GUCD1: variants seen among roughly 807,000 people sequenced by gnomAD.
GUCD1 encodes the protein protein GUCD1.
A neutral mutation model predicts 28.3 loss-of-function variants in GUCD1; 17 were observed. The observed-to-expected ratio is 0.60, with a 90% CI of 0.41 to 0.90. GUCD1 has a LOEUF of 0.90. Among genes scored for constraint, GUCD1 ranks in the 40% least tolerant of loss-of-function variants. GUCD1 has a pLI of 0.00. For synonymous variants in GUCD1, 129 were observed against 123.3 expected, an observed-to-expected ratio of 1.05 and a Z score of -0.30; for missense variants, 279 against 305.5, an observed-to-expected ratio of 0.91 and a Z score of 0.65.
At chr22:24,552,312 G>T (rs1034752679) in intron 1 of GUCD1, among the ~76,000 whole-genome samples, 2 of 152,142 alleles carry the variant, frequency 1.3e-5, no homozygotes, top group African/African-American at 4.8e-5. Flanking sequence ...AAGAAAAAAA[G>T]AAATTAAATT....
rs1282726475 is a variant in GUCD1, at chr22:24,542,171, C to T, written c.*835G>A. The T allele has an allele frequency of 6.6e-6, 1 of 152,272 alleles. No homozygotes were observed. Among genetic ancestry groups the T allele is most frequent in the Non-Finnish European group, 1.5e-5 (1 of 68,060 alleles). The allele number at this position is 152,272 out of a possible 1,614,324, so 9.4% of individuals were successfully genotyped here. A position where few individuals can be genotyped will look rare whatever the true frequency, so the allele number is the denominator to read the frequency against. On this transcript the variant is annotated 3_prime_UTR_variant, in exon 6 of 6. Transcript: ENST00000435822. ...CTTAAAGGACTAGGGGCTCCCCACACTCAAGAGGGCAGACCCTGCTGTCAG... is the reference window on the plus strand; with the variant it reads ...CTTAAAGGACTAGGGGCTCCCCACATTCAAGAGGGCAGACCCTGCTGTCAG...
Position 24,544,048 on chromosome 22 carries a change from G to C in GUCD1, c.422C>G (p.Ala141Gly), listed in dbSNP as rs377469994. The C allele has an allele frequency of 8.1e-6, 13 of 1,613,532 alleles. No homozygotes were observed. The Admixed American group carries it at 2.0e-4, about 25-fold the overall frequency. The change falls in exon 5 of 6, where the codon GCT becomes GGT. Residue 141 changes from alanine (A) to glycine (G), a missense_variant. Physicochemically the swap from Ala to Gly is moderately conservative, Grantham distance 60. Transcript: ENST00000435822. ...VSVKDIQAHL[A>G]QGHVAIVLVN... ...CAGCACGATGGCCACATGGCCCTGA[G>C]CCAGGTGCGCCTGGATGTCCTTCAC...
intron 4 of GUCD1, among the ~76,000 whole-genome samples, 187 bp from the exon 5 acceptor site, chr22:24,544,270 G>C (rs1178628682): frequency 1.3e-5 from 2 of 150,680 alleles, no homozygotes; most frequent in Admixed American, 6.6e-5. Flanking sequence ...AGACCGGTGG[G>C]GGGGGTGTGT....
rs1232383369 is a variant in GUCD1, at chr22:24,544,012, C to T, written c.458G>A (p.Gly153Glu). Reference sequence around the variant, plus strand: ...GGAGCACAGGTCACAGTGCAGCACCCCCGAGTTCACCAGCACGATGGCCAC... The same window carrying T: ...GGAGCACAGGTCACAGTGCAGCACCTCCGAGTTCACCAGCACGATGGCCAC... ...GHVAIVLVNS[G>E]VLHCDLCSSP... Residue 153 changes from glycine to glutamate, a missense_variant, in exon 5 of 6, where the codon GGG becomes GAG. Gly to Glu is a moderately conservative substitution (Grantham distance 98). Coordinates refer to ENST00000435822, the MANE Select transcript of GUCD1 (RefSeq NM_001284254.2). 1.1e-5 allele frequency: 18 copies of T among 1,614,012 alleles called. No individual in the cohort carries two copies. The highest frequency in any genetic ancestry group is 5.9e-6 in the Non-Finnish European group (7 of 1,179,966).
At chr22:24,551,405 C>T (rs1057482822) in intron 1 of GUCD1, among the ~76,000 whole-genome samples, 12 of 152,202 alleles carry the variant, frequency 7.9e-5, no homozygotes, top group African/African-American at 2.2e-4. Context: ...ATACAGCAGC[C>T]GTAGGGATTC....
At chr22:24,550,698 T>C (rs1422012736) in intron 1 of GUCD1, among the ~76,000 whole-genome samples, 1 of 152,204 alleles carries the variant, frequency 6.6e-6, no homozygotes, top group African/African-American at 2.4e-5. Flanking sequence ...CACTCACTAG[T>C]CCTGGGATCT....
upstream of GUCD1, chr22:24,555,375 G>T: frequency 9.0e-7 from 1 of 1,112,942 alleles, no homozygotes; most frequent in Non-Finnish European, 1.2e-6. Flanking sequence ...TTTGAGCCCC[G>T]CCCCAAAGCT....
At chr22:24,547,606 G>A (rs1420760722) in intron 3 of GUCD1, 1 of 355,974 alleles carries the variant, frequency 2.8e-6, no homozygotes, top group East Asian at 5.1e-5. Flanking sequence ...TTGTGCTGAG[G>A]ACAGTAGGAA....
At chr22:24,543,322 G>A (rs1273733113) in intron 5 of GUCD1, among the ~76,000 whole-genome samples, 1 of 152,198 alleles carries the variant, frequency 6.6e-6, no homozygotes, top group East Asian at 1.9e-4. Context: ...GGCCCAGAGA[G>A]GGGCAGAAAC....
chr22:24,543,382 G>A (rs867096282), intron 5 of GUCD1, among the ~76,000 whole-genome samples: 28 of 152,216 alleles, frequency 1.8e-4, no homozygotes, highest in African/African-American at 6.3e-4. Flanking sequence ...AGGGCGTCCA[G>A]GGGCTGTCTA....
chr22:24,555,413 C>T (rs370160853), upstream of GUCD1: 2 of 1,215,774 alleles, frequency 1.6e-6, no homozygotes, highest in Non-Finnish European at 1.1e-6. Context: ...GAGGCTCGTC[C>T]CTTCGGCAAG....
At chr22:24,547,361 G>C (rs2044754258) in intron 3 of GUCD1, 1 of 255,096 alleles carries the variant, frequency 3.9e-6, no homozygotes, top group African/African-American at 2.2e-5. Flanking sequence ...AACCACCTGG[G>C]ACAGCTCAGC....
rs1308242920 is a variant in GUCD1 at position 24,543,867 on chromosome 22, G to C, written c.603C>G (p.Phe201Leu). 2 of 1,614,052 alleles carry C rather than the reference G, an allele frequency of 1.2e-6. No individual in the cohort carries two copies. Among genetic ancestry groups the C allele is most frequent in the East Asian group, 2.2e-5 (1 of 44,884 alleles). Residue 201 changes from phenylalanine to leucine, a missense_variant, in exon 5 of 6, where the codon TTC becomes TTG. Coordinates refer to ENST00000435822, the MANE Select transcript of GUCD1 (RefSeq NM_001284254.2). ...RGYNRATGCIFYNNPAYADRM... is the reference protein window; with the variant it reads ...RGYNRATGCILYNNPAYADRM... ...GGTCGGCATAGGCTGGGTTGTTGTA[G>C]AAGATGCAGCCAGTGGCCCGGTTGT...
intron 1 of GUCD1, among the ~76,000 whole-genome samples, chr22:24,551,150 T>C (rs906537040): frequency 6.6e-6 from 1 of 152,204 alleles, no homozygotes; most frequent in African/African-American, 2.4e-5. Context: ...AGAACGTCTA[T>C]AAAGCCCTTT....
chr22:24,544,124 C>A, intron 4 of GUCD1, 41 bp from the exon 5 acceptor site: 1 of 1,590,304 alleles, frequency 6.3e-7, no homozygotes, highest in South Asian at 1.1e-5. Flanking sequence ...GCTGGGCCCC[C>A]ATTCCCCATC....
At chr22:24,545,244 C>T (rs1260345401) in intron 4 of GUCD1, among the ~76,000 whole-genome samples, 1 of 152,026 alleles carries the variant, frequency 6.6e-6, no homozygotes, top group African/African-American at 2.4e-5. Flanking sequence ...CTGCCTTGGC[C>T]AAGGAAACAT....
In GUCD1 at chr22:24,542,809, GTGACA is replaced by G; in HGVS notation, c.*192_*196del. On this transcript the variant is annotated 3_prime_UTR_variant, in exon 6 of 6. Transcript: ENST00000435822. ...AGCAGCCAGCAGGTGCTTGGGGTGA[GTGACA>G]TGACAACACACGGCACTGGCAGACA... is the stretch of plus-strand genomic sequence containing the variant. 1.8e-6 allele frequency: 1 copy of G among 547,214 alleles called. No homozygotes were observed. The highest frequency in any genetic ancestry group is 3.3e-6 in the Non-Finnish European group (1 of 302,176). The allele number at this position is 547,214 out of a possible 1,614,324, so 33.9% of individuals were successfully genotyped here. A position where few individuals can be genotyped will look rare whatever the true frequency, so the allele number is the denominator to read the frequency against.
intron 4 of GUCD1, among the ~76,000 whole-genome samples, chr22:24,546,677 C>T (rs1569011711): frequency 6.6e-6 from 1 of 152,338 alleles, no homozygotes; most frequent in South Asian, 2.1e-4. Context: ...CTCACCTATC[C>T]CTCCAGCACC....
At chr22:24,554,522 C>T (rs1199272293) in intron 1 of GUCD1, among the ~76,000 whole-genome samples, 2 of 152,274 alleles carry the variant, frequency 1.3e-5, no homozygotes, top group African/African-American at 4.8e-5. Flanking sequence ...GTCCGGGTCT[C>T]CGCCCCAAAG....
Sources: allele counts gnomAD v4.1 joint callset (sites outside exome capture counted in the v4.1 genomes callset), GRCh38; gene constraint gnomAD v4.1.1; transcripts MANE v1.5; gene names NCBI Gene and HGNC (gene_info 2026-07-23, HGNC 2026-07-21).